QTMAN: variants seen among roughly 807,000 people sequenced by gnomAD.
The protein encoded by QTMAN is tRNA-queuosine alpha-mannosyltransferase.
At chr2:144,106,816 C>A in the QTMAN span, among the ~76,000 whole-genome samples, 22 of 152,212 alleles carry the variant, frequency 1.4e-4, no homozygotes, top group Non-Finnish European at 3.2e-4. Context: ...CTTCTCAGCA[C>A]CATATCACAC....
chr2:144,150,119 G>A, the QTMAN span, among the ~76,000 whole-genome samples: 3 of 152,162 alleles, frequency 2.0e-5, no homozygotes, highest in East Asian at 1.9e-4. Flanking sequence ...GACATAATGA[G>A]ATAGTGTATA....
chr2:144,052,059 T>C, the QTMAN span, among the ~76,000 whole-genome samples: 3 of 152,338 alleles, frequency 2.0e-5, no homozygotes, highest in Admixed American at 2.0e-4. Context: ...ATGGGGCGAC[T>C]GAGTTGTCTT....
the QTMAN span, among the ~76,000 whole-genome samples, chr2:144,079,016 C>T: frequency 2.6e-5 from 4 of 152,122 alleles, no homozygotes; most frequent in East Asian, 7.7e-4. Context: ...AAGTACTGTA[C>T]TGCTATCTTT....
the QTMAN span, among the ~76,000 whole-genome samples, chr2:144,297,593 T>TC: frequency 6.7e-6 from 1 of 148,390 alleles, no homozygotes; most frequent in Non-Finnish European, 1.5e-5. Flanking sequence ...TTTTTTTTTT[T>TC]TTTTTGAGAC....
chr2:144,278,629 T>C, the QTMAN span, among the ~76,000 whole-genome samples: 1 of 151,372 alleles, frequency 6.6e-6, no homozygotes, highest in Admixed American at 6.6e-5. Flanking sequence ...TAATGACAGA[T>C]CAAGATCTGT....
the QTMAN span, among the ~76,000 whole-genome samples, chr2:144,186,446 T>C: frequency 6.6e-6 from 1 of 152,222 alleles, no homozygotes; most frequent in Non-Finnish European, 1.5e-5. Context: ...GAAATAAATA[T>C]GCAAACTAAT....
the QTMAN span, among the ~76,000 whole-genome samples, chr2:144,095,347 G>A: frequency 2.6e-5 from 4 of 152,262 alleles, no homozygotes; most frequent in South Asian, 8.3e-4. Flanking sequence ...AGTATGCACT[G>A]AATTGTCTAA....
chr2:144,175,408 AT>A, the QTMAN span, among the ~76,000 whole-genome samples: 1 of 152,134 alleles, frequency 6.6e-6, no homozygotes, highest in Non-Finnish European at 1.5e-5. Context: ...ATTTTTTTAC[AT>A]GCCTATCTCA....
chr2:144,034,341 C>T, the QTMAN span, among the ~76,000 whole-genome samples: 1,751 of 152,314 alleles, frequency 0.011, 35 homozygotes, highest in African/African-American at 0.039. Context: ...ACCACACAAT[C>T]CTCTCGCACT....
the QTMAN span, among the ~76,000 whole-genome samples, chr2:144,065,459 G>T: frequency 6.6e-6 from 1 of 152,162 alleles, no homozygotes; most frequent in South Asian, 2.1e-4. Context: ...ACATGTAGGA[G>T]ATTTTTTAGG....
At chr2:144,284,958 T>C in the QTMAN span, among the ~76,000 whole-genome samples, 9 of 148,100 alleles carry the variant, frequency 6.1e-5, no homozygotes, top group African/African-American at 2.3e-4. Flanking sequence ...TTTTTTTAAT[T>C]AGCTGGATGT....
At chr2:144,051,257 G>A in the QTMAN span, among the ~76,000 whole-genome samples, 2 of 152,202 alleles carry the variant, frequency 1.3e-5, no homozygotes, top group East Asian at 3.9e-4. Flanking sequence ...GTAGCCAGGT[G>A]TGTTGGCTCA....
chr2:143,951,639 A>G, the QTMAN span, among the ~76,000 whole-genome samples: 1 of 151,698 alleles, frequency 6.6e-6, no homozygotes, highest in Admixed American at 6.6e-5. Context: ...CCTCATTAGT[A>G]TAATTGTAGA....
the QTMAN span, among the ~76,000 whole-genome samples, chr2:144,068,085 A>G: frequency 7.2e-5 from 11 of 152,328 alleles, no homozygotes; most frequent in Middle Eastern, 3.4e-3. Flanking sequence ...TTTAAAGGGT[A>G]TATCATTAAA....
chr2:143,957,641 T>C, the QTMAN span, among the ~76,000 whole-genome samples: 1 of 151,998 alleles, frequency 6.6e-6, no homozygotes, highest in Non-Finnish European at 1.5e-5. Flanking sequence ...GTTCGTTAGA[T>C]GAAAATATTA....
chr2:144,146,677 AGG>A, the QTMAN span, among the ~76,000 whole-genome samples: 2 of 151,914 alleles, frequency 1.3e-5, no homozygotes, highest in Non-Finnish European at 1.5e-5. Context: ...TTCCCTAATA[AGG>A]TGCCTATTAC....
chr2:144,273,681 G>A, the QTMAN span, among the ~76,000 whole-genome samples: 23 of 152,260 alleles, frequency 1.5e-4, no homozygotes, highest in African/African-American at 4.6e-4. Context: ...ATATGACAAG[G>A]ACATAAATTA....
the QTMAN span, chr2:144,211,287 A>AC: frequency 6.6e-6 from 1 of 152,566 alleles, no homozygotes; most frequent in African/African-American, 2.4e-5. Flanking sequence ...GTAGATTTCC[A>AC]CCCCTCTGAC....
At chr2:144,158,459 T>G in the QTMAN span, among the ~76,000 whole-genome samples, 2 of 151,880 alleles carry the variant, frequency 1.3e-5, no homozygotes, top group African/African-American at 2.4e-5. Flanking sequence ...AACATAAGTG[T>G]GTGAGGCTGT....
Sources: allele counts gnomAD v4.1 joint callset (sites outside exome capture counted in the v4.1 genomes callset), GRCh38; gene constraint gnomAD v4.1.1; transcripts MANE v1.5; gene names NCBI Gene and HGNC (gene_info 2026-07-23, HGNC 2026-07-21).